The following C3orf52 variants were observed in gnomAD, a reference collection of about 807,000 sequenced individuals.
C3orf52 encodes the protein chromosome 3 open reading frame 52.
Under a neutral mutation model 24.8 loss-of-function variants are expected in C3orf52, and 22 were observed. That is an observed-to-expected ratio of 0.89 (90% CI 0.63 to 1.27). The LOEUF is 1.27. Ranked by LOEUF, C3orf52 falls within the 50% of genes most tolerant of loss-of-function variation. The pLI, the probability that C3orf52 is intolerant of heterozygous loss-of-function variation, is 0.00. For synonymous variants in C3orf52, 93 were observed against 100.2 expected (o/e 0.93, Z 0.43); for missense variants, 265 against 260.7 (o/e 1.02, Z -0.11).
rs1379278832 is a variant in C3orf52 at position 112,086,531 on chromosome 3, G to A, written c.124G>A (p.Val42Ile). Residue 42 changes from valine to isoleucine, a missense_variant, in exon 1 of 6, where the codon GTC (valine) becomes ATC (isoleucine). Val to Ile is a conservative substitution (Grantham distance 29). Coordinates refer to ENST00000264848, the MANE Select transcript of C3orf52 (RefSeq NM_024616.3). Reference protein sequence around the residue: ...DKVFPSLDEEVPPAEANKESP... With the variant: ...DKVFPSLDEEIPPAEANKESP... ...GGTCTTCCCTTCTTTGGACGAGGAGGTCCCCCCGGCCGAGGTAAGGTCCCC... is the reference window on the plus strand; with the variant it reads ...GGTCTTCCCTTCTTTGGACGAGGAGATCCCCCCGGCCGAGGTAAGGTCCCC... 6.4e-7 allele frequency: 1 copy of A among 1,550,872 alleles called. No homozygotes were observed. The highest frequency in any genetic ancestry group is 1.4e-5 in the African/African-American group (1 of 72,996).
At chr3:112,106,068 A>G (rs1038130696) in intron 3 of C3orf52, among the ~76,000 whole-genome samples, 1 of 152,148 alleles carries the variant, frequency 6.6e-6, no homozygotes, top group African/African-American at 2.4e-5. Context: ...GTGGGCATCC[A>G]TGTCCTTTCA....
downstream of C3orf52, among the ~76,000 whole-genome samples, chr3:112,132,249 A>G (rs1176723266): frequency 6.6e-6 from 1 of 152,132 alleles, no homozygotes; most frequent in African/African-American, 2.4e-5. Flanking sequence ...AGTGGTCAAA[A>G]GTGGGCTACC....
downstream of C3orf52, chr3:112,130,563 G>A: frequency 6.6e-7 from 1 of 1,508,046 alleles, no homozygotes; most frequent in East Asian, 2.3e-5. Flanking sequence ...AAACAGGCCT[G>A]TCACTTCTTT....
rs188424075 is a variant in C3orf52 at position 112,092,140 on chromosome 3, G to T, written c.139-1220G>T. On this transcript the variant is annotated intron_variant, in intron 1 of 5. Coordinates refer to ENST00000264848, the MANE Select transcript of C3orf52 (RefSeq NM_024616.3). The stretch of plus-strand genomic sequence containing the variant: ...AACGCTGAGGAATGACTGAGGCGCA[G>T]TTGCACCCTTTGGCCGAACTCCCAA... 8.5e-5 allele frequency among the ~76,000 whole-genome samples: 13 copies of T among 152,340 alleles called. No individual in the cohort carries two copies. The East Asian group carries it at 2.5e-3, about 29-fold the overall frequency.
Position 112,111,912 on chromosome 3 carries a change from C to T in C3orf52, c.468-1052C>T, listed in dbSNP as rs536196397. On this transcript the variant is annotated intron_variant, in intron 4 of 5. Coordinates refer to ENST00000264848, the MANE Select transcript of C3orf52 (RefSeq NM_024616.3). ...TGCAGGATCTGGCACATCTCCCAGC[C>T]GTAGTAGAGTTTATAAGCTCAATTG... The T allele has an allele frequency of 2.6e-5, 4 of 152,136 alleles. No homozygotes were observed. The South Asian group carries it at 6.2e-4, about 24-fold the overall frequency. 9.4% of individuals were successfully genotyped at this position (152,136 alleles called of 1,614,324 possible).
chr3:112,106,111 C>A (rs1321071248), intron 3 of C3orf52, among the ~76,000 whole-genome samples: 2 of 152,184 alleles, frequency 1.3e-5, no homozygotes, highest in Non-Finnish European at 2.9e-5. Context: ...ATGTGTTCAG[C>A]CACCTGGGAG....
chr3:112,123,613 C>T, intron 4 of C3orf52: 1 of 1,614,094 alleles, frequency 6.2e-7, no homozygotes, highest in Non-Finnish European at 8.5e-7. Flanking sequence ...AGTGAATACT[C>T]AGTCTCAGTT....
chr3:112,130,030 C>T (rs1398073472), downstream of C3orf52: 1 of 173,828 alleles, frequency 5.8e-6, no homozygotes, highest in African/African-American at 2.4e-5. Flanking sequence ...AATGGTGTCT[C>T]CACAAACTTT....
intron 4 of C3orf52, chr3:112,111,394 G>A (rs1039756378): frequency 6.6e-6 from 1 of 152,286 alleles, no homozygotes; most frequent in Non-Finnish European, 1.5e-5. Flanking sequence ...GTCTACAGGG[G>A]CATTGTGACC....
chr3:112,116,907 G>A lies in C3orf52; in HGVS notation c.*261G>A. 1 of 1,537,182 alleles carries A rather than the reference G, an allele frequency of 6.5e-7. No homozygotes were observed. On this transcript the variant is annotated 3_prime_UTR_variant, in exon 6 of 6. Transcript: ENST00000264848. The stretch of plus-strand genomic sequence containing the variant: ...AGGGTGGGGGCGATAGGGTCAGCGG[G>A]TATGTCCCACTGTTGGAGGTCACTG...
chr3:112,099,242 G>T (rs1299821448), intron 2 of C3orf52, among the ~76,000 whole-genome samples: 7 of 152,214 alleles, frequency 4.6e-5, no homozygotes, highest in African/African-American at 1.7e-4. Context: ...CCCAGTCTCA[G>T]GTAGTTCTTT....
At position 112,110,822 on chromosome 3, in the gene C3orf52, A is replaced by G. The variant is rs73218035; in HGVS notation, c.467+1209A>G. Among the ~76,000 whole-genome samples the G allele has an allele frequency of 3.5e-3, 529 of 152,336 alleles. 1 individual carries two copies. The highest frequency in any genetic ancestry group is 5.2e-3 in the Non-Finnish European group (354 of 68,034). On this transcript the variant is annotated intron_variant, in intron 4 of 5. Transcript: ENST00000264848. ...AGCAGACCTGGGAGGGGAGGCACAT[A>G]AAGCAGGTGGTAGGTAGCACCATGG...
At chr3:112,103,042 C>G (rs1361803065) in intron 3 of C3orf52, 77 bp downstream of exon 3, 1 of 1,384,910 alleles carries the variant, frequency 7.2e-7, no homozygotes, top group Non-Finnish European at 1.0e-6. Context: ...TGGCATAGAG[C>G]TATAGAGTAA....
chr3:112,125,397 T>TC (rs2074293794), intron 4 of C3orf52: 3 of 647,438 alleles, frequency 4.6e-6, no homozygotes, highest in Non-Finnish European at 8.3e-6. Flanking sequence ...CTACAGCACA[T>TC]CCCTGGGGAG....
intron 2 of C3orf52, among the ~76,000 whole-genome samples, chr3:112,100,092 CA>C (rs756239612): frequency 1.2e-4 from 18 of 152,178 alleles, no homozygotes; most frequent in Non-Finnish European, 1.8e-4. Context: ...TGCTGTCAGT[CA>C]AATCAGTCTG....
At chr3:112,107,057 G>A (rs1450164344) in intron 3 of C3orf52, among the ~76,000 whole-genome samples, 2 of 152,208 alleles carry the variant, frequency 1.3e-5, no homozygotes, top group South Asian at 2.1e-4. Flanking sequence ...TATGTCCTAA[G>A]TACAGCAGAG....
downstream of C3orf52, chr3:112,130,729 A>G: frequency 1.7e-6 from 1 of 573,304 alleles, no homozygotes; most frequent in Non-Finnish European, 3.1e-6. Flanking sequence ...CAGCCCACTG[A>G]TGTTCTCCAA....
chr3:112,128,954 C>T (rs748799819), downstream of C3orf52: 8 of 152,206 alleles, frequency 5.3e-5, no homozygotes, highest in Non-Finnish European at 1.0e-4. Flanking sequence ...GTGAGCTTTC[C>T]CATGAAGTTT....
rs201594873 is a variant in C3orf52, at chr3:112,090,676, G to GT, written c.139-2677dup. 1.4e-4 allele frequency among the ~76,000 whole-genome samples: 22 copies of GT among 152,142 alleles called. No individual in the cohort carries two copies. The East Asian group carries it at 4.3e-3, about 29-fold the overall frequency. On this transcript the variant is annotated intron_variant, in intron 1 of 5. Coordinates refer to ENST00000264848, the MANE Select transcript of C3orf52 (RefSeq NM_024616.3). ...CCAGGAAGTCATAGAGTAATTAGTGGTTTTTTTCAACACACCAGAGTCCTA... is the reference window on the plus strand; with the variant it reads ...CCAGGAAGTCATAGAGTAATTAGTGGTTTTTTTTCAACACACCAGAGTCCTA...
Sources: allele counts gnomAD v4.1 joint callset (sites outside exome capture counted in the v4.1 genomes callset), GRCh38; gene constraint gnomAD v4.1.1; transcripts MANE v1.5; gene names NCBI Gene and HGNC (gene_info 2026-07-23, HGNC 2026-07-21).